Variants in LHPP observed in about 807,000 individuals in gnomAD.
The protein encoded by LHPP is phospholysine phosphohistidine inorganic pyrophosphate phosphatase.
In LHPP, 24 loss-of-function variants were observed where a neutral mutation model predicts 30.3. That is an observed-to-expected ratio of 0.79 (90% CI 0.57 to 1.11). The LOEUF is 1.11. LHPP is among the 50% of genes most tolerant of loss of function. LHPP has a pLI of 0.00. For missense variants in LHPP, 356 were observed against 367.2 expected, an observed-to-expected ratio of 0.97 and a Z score of 0.25; for synonymous variants, 150 against 157.1, an observed-to-expected ratio of 0.95 and a Z score of 0.34.
intron 6 of LHPP, among the ~76,000 whole-genome samples, chr10:124,587,124 CG>C (rs923373842): frequency 6.6e-6 from 1 of 151,216 alleles, no homozygotes; most frequent in Non-Finnish European, 1.5e-5. Context: ...CTCCGTCTCC[CG>C]GGTTCCAGCG....
intron 6 of LHPP, among the ~76,000 whole-genome samples, chr10:124,537,293 G>A (rs1160637035): frequency 6.6e-6 from 1 of 152,216 alleles, no homozygotes; most frequent in Non-Finnish European, 1.5e-5. Context: ...GGGTGCATGG[G>A]GGCCCGTGAG....
chr10:124,557,976 C>T (rs1159004170), intron 6 of LHPP, among the ~76,000 whole-genome samples: 1 of 152,152 alleles, frequency 6.6e-6, no homozygotes, highest in African/African-American at 2.4e-5. Context: ...CGCGTCCTGA[C>T]ACCGTGACAC....
At chr10:124,557,311 C>T (rs774483337) in intron 6 of LHPP, among the ~76,000 whole-genome samples, 2 of 152,222 alleles carry the variant, frequency 1.3e-5, no homozygotes, top group African/African-American at 2.4e-5. Flanking sequence ...AGAAGGCCCA[C>T]GCGAACGGGC....
At chr10:124,566,316 TG>T (rs1031382349) in intron 6 of LHPP, among the ~76,000 whole-genome samples, 15 of 152,282 alleles carry the variant, frequency 9.9e-5, no homozygotes, top group Non-Finnish European at 2.2e-4. Context: ...CTTTCCCCCC[TG>T]GGGGACACAC....
intron 6 of LHPP, among the ~76,000 whole-genome samples, chr10:124,606,658 C>T (rs1004961455): frequency 2.0e-5 from 3 of 152,242 alleles, no homozygotes; most frequent in African/African-American, 4.8e-5. Flanking sequence ...GTGAAGAGAC[C>T]GGCCCTGGGC....
intron 1 of LHPP, among the ~76,000 whole-genome samples, chr10:124,464,692 T>TG (rs1952508333): frequency 6.6e-6 from 1 of 152,292 alleles, no homozygotes; most frequent in East Asian, 1.9e-4. Context: ...GGCAGTGTTT[T>TG]GGGGTGAAGT....
intron 6 of LHPP, among the ~76,000 whole-genome samples, chr10:124,557,852 G>C (rs371779893): frequency 3.5e-4 from 54 of 152,278 alleles, no homozygotes; most frequent in African/African-American, 1.2e-3. Context: ...TGGGCTGAGT[G>C]GTGGAGCGTG....
At chr10:124,503,150 CCCT>C (rs1953961041) in intron 5 of LHPP, among the ~76,000 whole-genome samples, 1 of 150,908 alleles carries the variant, frequency 6.6e-6, no homozygotes. Context: ...CACCACAACC[CCCT>C]CCTCCTGGGT....
chr10:124,509,797 C>T (rs955537368), intron 5 of LHPP, among the ~76,000 whole-genome samples: 2 of 152,124 alleles, frequency 1.3e-5, no homozygotes, highest in Admixed American at 6.5e-5. Context: ...GCTCACTCCA[C>T]CTTCACCACC....
intron 6 of LHPP, among the ~76,000 whole-genome samples, chr10:124,587,751 AAAAAAAAAAAAAAACC>A (rs928175376): frequency 2.0e-5 from 3 of 150,422 alleles, no homozygotes; most frequent in African/African-American, 7.3e-5. Flanking sequence ...AAAAAAAAAA[AAAAAAAAAAAAAAACC>A]AAAAAAACCC....
At chr10:124,607,582 G>A (rs1453069113) in intron 6 of LHPP, among the ~76,000 whole-genome samples, 1 of 152,198 alleles carries the variant, frequency 6.6e-6, no homozygotes, top group African/African-American at 2.4e-5. Flanking sequence ...TCTTCTATGG[G>A]GAGACCTCTT....
At chr10:124,504,048 C>G (rs561356407) in intron 5 of LHPP, among the ~76,000 whole-genome samples, 88 of 151,974 alleles carry the variant, frequency 5.8e-4, no homozygotes, top group African/African-American at 2.0e-3. Context: ...AAAAATTAGC[C>G]GGGCCTGGCA....
intron 5 of LHPP, among the ~76,000 whole-genome samples, chr10:124,507,825 A>G (rs369667870): frequency 0.2 from 503 of 2,462 alleles, no homozygotes; most frequent in East Asian, 0.28. Flanking sequence ...TCAGGTGTGG[A>G]GGGTAGACAG....
intron 1 of LHPP, among the ~76,000 whole-genome samples, chr10:124,469,178 G>T (rs774208612): frequency 6.6e-6 from 1 of 152,216 alleles, no homozygotes; most frequent in East Asian, 1.9e-4. Flanking sequence ...GCCGCAGAGG[G>T]AAAAGTGTGA....
intron 6 of LHPP, among the ~76,000 whole-genome samples, chr10:124,602,704 G>A (rs1721926505): frequency 6.6e-6 from 1 of 152,140 alleles, no homozygotes; most frequent in Non-Finnish European, 1.5e-5. Flanking sequence ...AAGGAAAGGG[G>A]GTTCAGTTAG....
chr10:124,497,078 CT>C, intron 4 of LHPP, 54 bp downstream of exon 4: 1 of 1,408,200 alleles, frequency 7.1e-7, no homozygotes, highest in Non-Finnish European at 1.0e-6. Flanking sequence ...GCACCTGGGA[CT>C]TTTTGGGTCT....
chr10:124,523,023 C>T lies in LHPP; in HGVS notation c.716+5752C>T, dbSNP rs77181986. Reference sequence around the variant, plus strand: ...CCTCTCACCACCCCATCACTCTGTTCGCTGTTCCACGCCACACCCTGCAGC... The same window carrying T: ...CCTCTCACCACCCCATCACTCTGTTTGCTGTTCCACGCCACACCCTGCAGC... On this transcript the variant is annotated intron_variant, in intron 6 of 6. Transcript: ENST00000368842. This position sits in a 1 kb window ranked among gnomAD's most constrained non-coding sequence, Gnocchi z 4.2. Among the ~76,000 whole-genome samples, 1,671 of 152,270 alleles carry T rather than the reference C, an allele frequency of 0.011. 32 individuals carry two copies. Among genetic ancestry groups the T allele is most frequent in the African/African-American group, 0.038 (1,566 of 41,540 alleles).
At chr10:124,559,653 C>T (rs549762702) in intron 6 of LHPP, among the ~76,000 whole-genome samples, 1 of 152,382 alleles carries the variant, frequency 6.6e-6, no homozygotes, top group South Asian at 2.1e-4. Flanking sequence ...CGTCTTGCTG[C>T]GTATGTCACG....
intron 2 of LHPP, among the ~76,000 whole-genome samples, chr10:124,487,329 T>C (rs1589779930): frequency 6.6e-6 from 1 of 152,268 alleles, no homozygotes; most frequent in Non-Finnish European, 1.5e-5. Flanking sequence ...GTCCTCCATC[T>C]GCTGCAGCTG....
Sources: allele counts gnomAD v4.1 joint callset (sites outside exome capture counted in the v4.1 genomes callset), GRCh38; gene constraint gnomAD v4.1.1; non-coding constraint Gnocchi (gnomAD v3.1); transcripts MANE v1.5; gene names NCBI Gene and HGNC (gene_info 2026-07-23, HGNC 2026-07-21).